Variants in AMOT observed in about 807,000 individuals in gnomAD.
AMOT encodes the protein angiomotin.
AMOT carries 11 observed loss-of-function variants against 67.0 expected under a neutral mutation model. The observed-to-expected ratio is 0.16, with a 90% CI of 0.10 to 0.27. AMOT has a LOEUF of 0.27. Among genes scored for constraint, AMOT ranks in the 10% least tolerant of loss-of-function variants. The probability of loss-of-function intolerance (pLI) is 1.00; values close to 1 mark genes in which losing one functional copy is unlikely to be tolerated. For missense variants in AMOT, 753 were observed against 852.0 expected, an observed-to-expected ratio of 0.88 and a Z score of 1.45; for synonymous variants, 326 against 321.4, an observed-to-expected ratio of 1.01 and a Z score of -0.15.
At chrX:112,836,865 T>C (rs1341754092) in intron 1 of AMOT, among the ~76,000 whole-genome samples, 1 of 88,861 alleles carries the variant, frequency 1.1e-5, no homozygotes, top group Non-Finnish European at 2.2e-5. Flanking sequence ...GCTCTCAAAA[T>C]TACCCTGTCC....
rs1424847310 is a variant in AMOT, at chrX:112,781,067, T to C, written c.2292A>G (p.Val764=). The change falls in exon 12 of 14, where the codon GTA becomes GTG. Residue 764 remains valine, a synonymous_variant. Transcript: ENST00000371959. ...GCTCCTTCCGGGAACGCTGCTGGAGTACTTTGATCATGGCATCCTTCTCAA... is the reference window on the plus strand; with the variant it reads ...GCTCCTTCCGGGAACGCTGCTGGAGCACTTTGATCATGGCATCCTTCTCAA... ...QIIEKDAMIK[V]LQQRSRKEPS... 3 of 1,211,883 alleles carry C rather than the reference T, an allele frequency of 2.5e-6. No individual in the cohort carries two copies. Among genetic ancestry groups the C allele is most frequent in the East Asian group, 3.0e-5 (1 of 33,833 alleles).
At chrX:112,814,027 C>CT (rs1214811020) in intron 5 of AMOT, among the ~76,000 whole-genome samples, 1 of 111,828 alleles carries the variant, frequency 8.9e-6, no homozygotes, top group Non-Finnish European at 1.9e-5. Flanking sequence ...AATCCCAGCA[C>CT]TTTGGGAGAC....
At chrX:112,839,325 G>T (rs1935226083) in intron 1 of AMOT, among the ~76,000 whole-genome samples, 1 of 112,207 alleles carries the variant, frequency 8.9e-6, no homozygotes, top group South Asian at 3.7e-4. Flanking sequence ...GTCTAACTGA[G>T]AAGGCTTCAC....
rs147627113 is a variant in AMOT at position 112,805,077 on chromosome X, C to A, written c.1646G>T (p.Arg549Leu). The A allele has an allele frequency of 1.7e-5, 21 of 1,209,617 alleles. No homozygotes were observed. The highest frequency in any genetic ancestry group is 2.2e-5 in the Non-Finnish European group (20 of 895,199). ...QLFAKNKESQ[R>L]EKEKLEAELA... Reference sequence around the variant, plus strand: ...CTCCGCTTCCAGCTTCTCCTTCTCACGCTGGCTTTCTTTATCTGTCAGGAC... The same window carrying A: ...CTCCGCTTCCAGCTTCTCCTTCTCAAGCTGGCTTTCTTTATCTGTCAGGAC... Residue 549 changes from arginine to leucine, a missense_variant, in exon 8 of 14, where the codon CGT becomes CTT. Arg to Leu is a moderately radical substitution (Grantham distance 102, BLOSUM62 -2). Around this residue, in one of 5 missense-constraint regions of AMOT, gnomAD observed 297 missense variants for 284.3 expected, o/e 1.04. Coordinates refer to ENST00000371959, the MANE Select transcript of AMOT (RefSeq NM_001113490.2).
chrX:112,801,348 G>C (rs957141142), intron 8 of AMOT, among the ~76,000 whole-genome samples: 1 of 111,354 alleles, frequency 9.0e-6, no homozygotes, highest in Non-Finnish European at 1.9e-5. Flanking sequence ...AGAAAGATAA[G>C]GGCAAGGACG....
chrX:112,833,482 G>GC (rs36046208), intron 1 of AMOT, among the ~76,000 whole-genome samples: 1,062 of 102,849 alleles, frequency 0.01, 24 homozygotes, highest in African/African-American at 0.036. Flanking sequence ...GAGTAAAGGG[G>GC]GGGGGGGGGT....
At chrX:112,799,950 C>A (rs190305260) in intron 8 of AMOT, among the ~76,000 whole-genome samples, 1 of 111,811 alleles carries the variant, frequency 8.9e-6, no homozygotes. Context: ...AAAGTAAATA[C>A]GGCCAGGCAC....
Position 112,778,345 on chromosome X carries a change from C to CGT in AMOT, c.*221_*222insAC. 3.3e-6 allele frequency: 1 copy of CGT among 300,513 alleles called. No homozygotes were observed. 24.8% of individuals were successfully genotyped at this position (300,513 alleles called of 1,213,427 possible). On this transcript the variant is annotated 3_prime_UTR_variant, in exon 14 of 14. Coordinates refer to ENST00000371959, the MANE Select transcript of AMOT (RefSeq NM_001113490.2). ...AATTCAAACAATAAGCTTTAGAGCA[C>CGT]ATTCTGATTAATCTGTCTTTAGAGG...
chrX:112,788,192 A>G (rs769002401), intron 10 of AMOT, among the ~76,000 whole-genome samples: 9 of 109,873 alleles, frequency 8.2e-5, no homozygotes, highest in South Asian at 4.0e-4. Context: ...GGGAGGCTGA[A>G]GTAGGAGAAT....
rs149909515 is a variant in AMOT at position 112,781,019 on chromosome X, C to T, written c.2340G>A (p.Ser780=). 1.2e-3 allele frequency: 1,417 copies of T among 1,210,430 alleles called. 12 individuals are homozygous for T. In the African/African-American group the frequency reaches 0.021, roughly 18 times the overall value. The change falls in exon 12 of 14, where the codon TCG becomes TCA. Residue 780 remains serine (S), a synonymous_variant. Transcript: ENST00000371959. ...RKEPSKTEQL[S]CMRPAKSLMS... Reference sequence around the variant, plus strand: ...TCAGAGACTTCGCTGGCCGCATGCACGACAGCTGCTCTGTCTTGCTCGGCT... The same window carrying T: ...TCAGAGACTTCGCTGGCCGCATGCATGACAGCTGCTCTGTCTTGCTCGGCT...
At chrX:112,783,999 C>A (rs931052984) in intron 10 of AMOT, among the ~76,000 whole-genome samples, 1 of 110,728 alleles carries the variant, frequency 9.0e-6, no homozygotes, top group Non-Finnish European at 1.9e-5. Context: ...TTTTGGTGAG[C>A]CTCTATAAAA....
intron 10 of AMOT, among the ~76,000 whole-genome samples, chrX:112,789,125 C>T (rs1353101364): frequency 8.9e-6 from 1 of 112,051 alleles, no homozygotes; most frequent in Non-Finnish European, 1.9e-5. Context: ...TGTTTCTAAG[C>T]TTCTGCCTAA....
At chrX:112,806,036 G>A (rs1202867124) in intron 7 of AMOT, among the ~76,000 whole-genome samples, 1 of 110,543 alleles carries the variant, frequency 9.0e-6, no homozygotes, top group African/African-American at 3.3e-5. Context: ...GGGAGGCTGC[G>A]GTGGGCGGAT....
intron 10 of AMOT, among the ~76,000 whole-genome samples, chrX:112,785,250 A>G (rs1012662375): frequency 3.4e-4 from 38 of 112,289 alleles, no homozygotes; most frequent in African/African-American, 1.1e-3. Context: ...CAAATTCTTA[A>G]GTAAACAGTT....
At position 112,797,740 on chromosome X, in the gene AMOT, C is replaced by T. The variant is rs1422097196; in HGVS notation, c.1777-5759G>A. Among the ~76,000 whole-genome samples the T allele has an allele frequency of 3.6e-5, 4 of 110,074 alleles. No homozygotes were observed. The Admixed American group carries it at 3.9e-4, about 11-fold the overall frequency. On this transcript the variant is annotated intron_variant, in intron 8 of 13. Transcript: ENST00000371959. ...AGGTTAAAGTGAGCCGCGATCGCGC[C>T]ACTGCACTCCAGCCTGGGCGACAGA... is the stretch of plus-strand genomic sequence containing the variant.
At chrX:112,814,409 T>C (rs1282477274) in intron 5 of AMOT, among the ~76,000 whole-genome samples, 3 of 111,863 alleles carry the variant, frequency 2.7e-5, no homozygotes, top group Non-Finnish European at 5.6e-5. Flanking sequence ...ACTCCTGGTG[T>C]TTCCTAAGGA....
chrX:112,782,440 G>A (rs746328554), intron 11 of AMOT, 100 bp downstream of exon 11: 34 of 1,094,704 alleles, frequency 3.1e-5, no homozygotes, highest in African/African-American at 2.2e-4. Context: ...ATGGTGGAGC[G>A]GGGAGGCTGC....
rs1932909832 is a variant in AMOT, at chrX:112,775,120, G to A, written c.*3447C>T. ...CCAGAAGGAGGTTTCATGGCTCCAT[G>A]TAACCCATCGTTGCTACTGGAAAAA... On this transcript the variant is annotated 3_prime_UTR_variant, in exon 14 of 14. Transcript: ENST00000371959. 9.0e-6 allele frequency: 1 copy of A among 110,565 alleles called. No homozygotes were observed. Among genetic ancestry groups the A allele is most frequent in the Non-Finnish European group, 1.9e-5 (1 of 52,585 alleles). The allele number at this position is 110,565 out of a possible 1,213,427, so 9.1% of individuals were successfully genotyped here.
At chrX:112,801,483 C>A (rs184104796) in intron 8 of AMOT, among the ~76,000 whole-genome samples, 5 of 111,298 alleles carry the variant, frequency 4.5e-5, no homozygotes, top group Non-Finnish European at 9.4e-5. Flanking sequence ...CAGTGCTATC[C>A]CCTCCCCAGC....
Sources: allele counts gnomAD v4.1 joint callset (sites outside exome capture counted in the v4.1 genomes callset), GRCh38; gene constraint gnomAD v4.1.1; regional missense constraint gnomAD v4.1.1; transcripts MANE v1.5; gene names NCBI Gene and HGNC (gene_info 2026-07-23, HGNC 2026-07-21).